Variants in MELK observed in about 807,000 individuals in gnomAD.
MELK encodes maternal embryonic leucine zipper kinase.
Under a neutral mutation model 85.0 loss-of-function variants are expected in MELK, and 81 were observed. That is an observed-to-expected ratio of 0.95 (90% CI 0.80 to 1.15). MELK has a LOEUF of 1.15. Among genes scored for constraint, MELK ranks in the 50% most tolerant of loss-of-function variants. The pLI, the probability that MELK is intolerant of heterozygous loss-of-function variation, is 0.00. For synonymous variants in MELK, 252 were observed against 265.0 expected (o/e 0.95, Z 0.48); for missense variants, 754 against 777.5 (o/e 0.97, Z 0.36).
intron 10 of MELK, among the ~76,000 whole-genome samples, chr9:36,639,890 G>A (rs375484153): frequency 4.4e-4 from 67 of 152,258 alleles, no homozygotes; most frequent in African/African-American, 1.6e-3. Context: ...ATGATGGAGG[G>A]AACCTCAAAA....
At chr9:36,638,998 C>T (rs993227730) in intron 10 of MELK, among the ~76,000 whole-genome samples, 3 of 152,150 alleles carry the variant, frequency 2.0e-5, no homozygotes, top group African/African-American at 4.8e-5. Flanking sequence ...GCCTTTGTGG[C>T]GAGCATTGCT....
chr9:36,635,683 G>A (rs1245645248), intron 10 of MELK, among the ~76,000 whole-genome samples: 4 of 151,904 alleles, frequency 2.6e-5, no homozygotes, highest in Non-Finnish European at 4.4e-5. Context: ...TCTGCAGACC[G>A]TGCTTTGAGA....
intron 9 of MELK, among the ~76,000 whole-genome samples, chr9:36,630,960 C>CTT (rs1227155289): frequency 6.3e-5 from 8 of 127,116 alleles, no homozygotes; most frequent in African/African-American, 1.4e-4. Context: ...GGCCCCAGCT[C>CTT]TTTTTTTTTT....
At chr9:36,668,837 T>C (rs376221114) in intron 14 of MELK, among the ~76,000 whole-genome samples, 18 of 152,186 alleles carry the variant, frequency 1.2e-4, no homozygotes, top group African/African-American at 4.3e-4. Flanking sequence ...TTTAATAACT[T>C]ATGTCAAGCT....
chr9:36,587,505 C>T (rs62541986), intron 3 of MELK, among the ~76,000 whole-genome samples: 20,415 of 150,212 alleles, frequency 0.14, 1,467 homozygotes, highest in East Asian at 0.28. Context: ...TTAGTAGAGA[C>T]GGGATTTTAC....
intron 3 of MELK, among the ~76,000 whole-genome samples, chr9:36,586,506 TTTTTTTGTTTTATTCAA>T (rs1407928617): frequency 6.6e-6 from 1 of 152,192 alleles, no homozygotes; most frequent in African/African-American, 2.4e-5. Context: ...TTTCCTCCAG[TTTTTTTGTTTTATTCAA>T]TTTTTTGTTT....
At chr9:36,626,241 AG>A (rs933932616) in intron 8 of MELK, among the ~76,000 whole-genome samples, 5 of 152,196 alleles carry the variant, frequency 3.3e-5, no homozygotes, top group African/African-American at 9.6e-5. Context: ...AAGATAACGA[AG>A]GAATTCTTCT....
chr9:36,594,595 G>A (rs1182201096), intron 4 of MELK, 33 bp from the exon 5 acceptor site: 2 of 1,588,530 alleles, frequency 1.3e-6, no homozygotes, highest in Non-Finnish European at 1.7e-6. Flanking sequence ...TTTTTAAGTT[G>A]TAACAATATC....
chr9:36,592,089 C>T (rs149073670), intron 4 of MELK, among the ~76,000 whole-genome samples: 214 of 151,934 alleles, frequency 1.4e-3, no homozygotes, highest in African/African-American at 5.0e-3. Context: ...TGGCCTTAAG[C>T]GATCTTCCCT....
rs869168768 is a variant in MELK at position 36,584,719 on chromosome 9, CT to C, written c.144+1025del. ...CAAATAGATAAATATTATGTCCTAG[CT>C]TTTTTTTTTTTTTTTTTGAGACAGT... On this transcript the variant is annotated intron_variant, in intron 3 of 17. Coordinates refer to ENST00000298048, the MANE Select transcript of MELK (RefSeq NM_014791.4). 9.4e-3 allele frequency among the ~76,000 whole-genome samples: 1,217 copies of C among 129,722 alleles called. 9 individuals carry two copies. Among genetic ancestry groups the C allele is most frequent in the African/African-American group, 0.024 (831 of 34,472 alleles). The allele number at this position is 129,722 out of a possible 152,430, so 85.1% of individuals were successfully genotyped here.
intron 12 of MELK, among the ~76,000 whole-genome samples, chr9:36,656,000 A>T (rs1831205230): frequency 1.3e-5 from 2 of 152,212 alleles, no homozygotes; most frequent in Admixed American, 6.5e-5. Flanking sequence ...GATTAACAAT[A>T]TATCGAGGGA....
chr9:36,602,556 A>G (rs958298710), intron 7 of MELK, among the ~76,000 whole-genome samples: 5 of 140,620 alleles, frequency 3.6e-5, no homozygotes, highest in African/African-American at 1.4e-4. Flanking sequence ...TAAGCTCTAC[A>G]GACTTTTTTT....
At chr9:36,666,853 TTGTGTGTGTGTGTGTGTGTGTGTGTGTG>T (rs5897643) in intron 14 of MELK, among the ~76,000 whole-genome samples, 1,486 of 130,840 alleles carry the variant, frequency 0.011, 16 homozygotes, top group Non-Finnish European at 0.017. Context: ...ATGTCTGTGT[TTGTGTGTGTGTGTGTGTGTGTGTGTGTG>T]TGTGTGTGTG....
In MELK at chr9:36,677,185, T is replaced by G. The variant is rs1212844520; in HGVS notation, c.1804T>G (p.Ser602Ala). The G allele has an allele frequency of 1.2e-6, 2 of 1,613,868 alleles. No individual in the cohort carries two copies. The highest frequency in any genetic ancestry group is 1.3e-5 in the African/African-American group (1 of 75,060). The change falls in exon 18 of 18, where the codon TCA (serine) becomes GCA (alanine). Residue 602 changes from serine (S) to alanine (A), a missense_variant. Transcript: ENST00000298048. The stretch of plus-strand genomic sequence containing the variant: ...TTATACACTGAAGTGTCAAACACAG[T>G]CAGATTTTGGGAAAGTGACAATGCA... ...KGYTLKCQTQ[S>A]DFGKVTMQFE...
At chr9:36,583,741 C>A in intron 3 of MELK, 29 bp downstream of exon 3, 2 of 1,470,702 alleles carry the variant, frequency 1.4e-6, no homozygotes, top group Non-Finnish European at 9.5e-7. Flanking sequence ...AAAAAATAGT[C>A]CACTTATAGA....
intron 11 of MELK, among the ~76,000 whole-genome samples, chr9:36,647,365 G>A (rs1830303671): frequency 6.6e-6 from 1 of 152,062 alleles, no homozygotes; most frequent in African/African-American, 2.4e-5. Flanking sequence ...ATAGATGTGG[G>A]GTGGGAAAAA....
intron 16 of MELK, among the ~76,000 whole-genome samples, chr9:36,671,968 T>C (rs1832928741): frequency 6.6e-6 from 1 of 152,114 alleles, no homozygotes; most frequent in Admixed American, 6.6e-5. Context: ...AAAAACACAT[T>C]CCAAGAGGTG....
intron 15 of MELK, among the ~76,000 whole-genome samples, chr9:36,670,380 G>GT (rs1735028526): frequency 6.6e-6 from 1 of 151,894 alleles, no homozygotes; most frequent in Admixed American, 6.6e-5. Flanking sequence ...CATATGTAAC[G>GT]TAAACTTCTC....
chr9:36,668,755 CG>C (rs1564231173), intron 14 of MELK, among the ~76,000 whole-genome samples: 1 of 152,062 alleles, frequency 6.6e-6, no homozygotes, highest in Admixed American at 6.5e-5. Flanking sequence ...CCTCATGATC[CG>C]CCCTCCTCGG....
Sources: allele counts gnomAD v4.1 joint callset (sites outside exome capture counted in the v4.1 genomes callset), GRCh38; gene constraint gnomAD v4.1.1; transcripts MANE v1.5; gene names NCBI Gene and HGNC (gene_info 2026-07-23, HGNC 2026-07-21).